SULF1: variants seen among roughly 807,000 people sequenced by gnomAD.
The protein encoded by SULF1 is extracellular sulfatase Sulf-1.
SULF1 carries 46 observed loss-of-function variants against 110.5 expected under a neutral mutation model. The ratio of observed to expected loss-of-function variants is 0.42; its 90% CI spans 0.33 to 0.53. The LOEUF is 0.53. Among genes scored for constraint, SULF1 ranks in the 20% least tolerant of loss-of-function variants. The pLI is 0.12. For synonymous variants in SULF1, 371 were observed against 387.1 expected, an observed-to-expected ratio of 0.96 and a Z score of 0.49; for missense variants, 941 against 1,094.2, an observed-to-expected ratio of 0.86 and a Z score of 1.98.
intron 3 of SULF1, among the ~76,000 whole-genome samples, chr8:69,536,361 C>T (rs958330921): frequency 6.6e-6 from 1 of 152,168 alleles, no homozygotes; most frequent in African/African-American, 2.4e-5. Flanking sequence ...AAACATGCCA[C>T]AGAAATTAAT....
chr8:69,491,463 C>T (rs1225718107), upstream of SULF1, among the ~76,000 whole-genome samples: 1 of 152,200 alleles, frequency 6.6e-6, no homozygotes, highest in Non-Finnish European at 1.5e-5. Flanking sequence ...GGAAGTTGCA[C>T]TTACAGGTCC....
intron 14 of SULF1, among the ~76,000 whole-genome samples, chr8:69,623,169 G>GC (rs1809749890): frequency 1.0e-5 from 1 of 97,586 alleles, no homozygotes; most frequent in South Asian, 3.8e-4. Context: ...ACCCTCCTCT[G>GC]CCAGGTATAA....
chr8:69,543,378 A>T (rs61595560), intron 3 of SULF1, among the ~76,000 whole-genome samples: 1,392 of 120,382 alleles, frequency 0.012, 18 homozygotes, highest in African/African-American at 0.041. Flanking sequence ...CCCAACCCCC[A>T]CCCTCCCCTC....
rs1359498244 is a variant in SULF1 at position 69,621,176 on chromosome 8, A to G, written c.1519A>G (p.Arg507Gly). 8 of 1,614,170 alleles carry G rather than the reference A, an allele frequency of 5.0e-6. No individual in the cohort carries two copies. The highest frequency in any genetic ancestry group is 5.9e-6 in the Non-Finnish European group (7 of 1,180,000). Residue 507 changes from arginine (R) to glycine (G), a missense_variant, in exon 14 of 23, where the codon AGG (arginine) becomes GGG (glycine). By Grantham distance (125) the Arg-to-Gly change is moderately radical. Around this residue, in one of 3 missense-constraint regions of SULF1, gnomAD observed 822 missense variants for 934.3 expected, o/e 0.88. Coordinates refer to ENST00000402687, the MANE Select transcript of SULF1 (RefSeq NM_001128205.2). ...TGACAAAGACAAAGAGTGCAGTTGT[A>G]GGGAGTCTGGTTACCGTGCCAGCAG... ...FHDKDKECSC[R>G]ESGYRASRSQ... is the part of the protein sequence containing the mutation.
In SULF1 at chr8:69,514,652, C is replaced by T. The variant is rs145316844; in HGVS notation, c.-134+12684C>T. 5.1e-3 allele frequency among the ~76,000 whole-genome samples: 781 copies of T among 152,314 alleles called. 7 individuals are homozygous for T. The highest frequency in any genetic ancestry group is 0.017 in the African/African-American group (717 of 41,566). On this transcript the variant is annotated intron_variant, in intron 3 of 22. Transcript: ENST00000402687. Reference sequence around the variant, plus strand: ...CCAGCATTAACTAAAAGTCCAAGTCCAAAGTCTCATCTGAGACAAGGCAAG... The same window carrying T: ...CCAGCATTAACTAAAAGTCCAAGTCTAAAGTCTCATCTGAGACAAGGCAAG...
intron 1 of SULF1, among the ~76,000 whole-genome samples, chr8:69,468,444 TA>T (rs1378777195): frequency 6.6e-6 from 1 of 152,246 alleles, no homozygotes; most frequent in African/African-American, 2.4e-5. Context: ...AACAATATTT[TA>T]ATATGGTCTT....
intron 3 of SULF1, among the ~76,000 whole-genome samples, chr8:69,541,964 G>C (rs1813884528): frequency 6.6e-6 from 1 of 152,178 alleles, no homozygotes; most frequent in East Asian, 1.9e-4. Flanking sequence ...TGATGGGAAG[G>C]AACTGGAGAG....
chr8:69,640,596 TA>T (rs1378155442), intron 21 of SULF1, among the ~76,000 whole-genome samples: 8 of 151,962 alleles, frequency 5.3e-5, no homozygotes, highest in African/African-American at 1.9e-4. Context: ...TATGAACTCT[TA>T]TTTTTTTTTT....
At chr8:69,607,521 T>G (rs1808316574) in intron 13 of SULF1, among the ~76,000 whole-genome samples, 1 of 152,118 alleles carries the variant, frequency 6.6e-6, no homozygotes, top group Non-Finnish European at 1.5e-5. Flanking sequence ...CACACCACCA[T>G]GCTCGACTAA....
intron 3 of SULF1, among the ~76,000 whole-genome samples, chr8:69,521,693 A>G (rs534787984): frequency 6.6e-6 from 1 of 152,308 alleles, no homozygotes; most frequent in South Asian, 2.1e-4. Flanking sequence ...CCTGGAGGCC[A>G]TGGGAAGGAT....
At chr8:69,558,204 A>C (rs1464389252) in intron 3 of SULF1, among the ~76,000 whole-genome samples, 1 of 152,212 alleles carries the variant, frequency 6.6e-6, no homozygotes. Flanking sequence ...ATCCTAAGAA[A>C]TGTATGTAGA....
At chr8:69,628,334 C>A in intron 18 of SULF1, 98 bp downstream of exon 18, 1 of 1,012,970 alleles carries the variant, frequency 9.9e-7, no homozygotes, top group Non-Finnish European at 1.5e-6. Context: ...CCTGCAGTGC[C>A]GCTTCAGAAG....
At chr8:69,558,882 G>GA (rs1438626796) in intron 3 of SULF1, among the ~76,000 whole-genome samples, 2 of 151,776 alleles carry the variant, frequency 1.3e-5, no homozygotes, top group African/African-American at 4.8e-5. Context: ...TGATTCTTTT[G>GA]AAAATAATAA....
At chr8:69,607,188 C>G (rs1007856647) in intron 13 of SULF1, among the ~76,000 whole-genome samples, 7 of 152,230 alleles carry the variant, frequency 4.6e-5, no homozygotes, top group Non-Finnish European at 1.0e-4. Flanking sequence ...AACAAGTCCT[C>G]CAGGTGACTC....
intron 3 of SULF1, among the ~76,000 whole-genome samples, chr8:69,547,047 A>G (rs1474852625): frequency 6.6e-6 from 1 of 152,228 alleles, no homozygotes; most frequent in Non-Finnish European, 1.5e-5. Context: ...ATGAATGATC[A>G]AGTTGACAAT....
At chr8:69,514,777 G>A (rs1006689041) in intron 3 of SULF1, among the ~76,000 whole-genome samples, 1 of 152,178 alleles carries the variant, frequency 6.6e-6, no homozygotes, top group Non-Finnish European at 1.5e-5. Context: ...TTCCAAAAGG[G>A]AGAAATCAGC....
chr8:69,539,808 CA>C (rs2150666213), intron 3 of SULF1, among the ~76,000 whole-genome samples: 1 of 152,226 alleles, frequency 6.6e-6, no homozygotes, highest in Non-Finnish European at 1.5e-5. Flanking sequence ...ATGGTGTAAC[CA>C]TTTTGGTGGA....
At chr8:69,533,976 C>T (rs1441696354) in intron 3 of SULF1, among the ~76,000 whole-genome samples, 1 of 152,140 alleles carries the variant, frequency 6.6e-6, no homozygotes, top group Non-Finnish European at 1.5e-5. Flanking sequence ...CTAAAGTCAA[C>T]TATTTTTCCT....
intron 5 of SULF1, among the ~76,000 whole-genome samples, chr8:69,566,338 A>G (rs956181905): frequency 5.9e-5 from 9 of 152,170 alleles, no homozygotes; most frequent in Admixed American, 1.3e-4. Flanking sequence ...AATTGCTCAT[A>G]ACTTTCTTTT....
Sources: gnomAD v4.1 joint callset for allele counts (sites outside exome capture counted in the v4.1 genomes callset) on GRCh38, gnomAD v4.1.1 for gene constraint, gnomAD v4.1.1 regional missense constraint, MANE v1.5 for transcripts, NCBI Gene and HGNC (gene_info 2026-07-23, HGNC 2026-07-21) for gene names.